The following TIAM2 variants were observed in gnomAD, a reference collection of about 807,000 sequenced individuals.
TIAM2 encodes TIAM Rac1 associated GEF 2.
Under a neutral mutation model 152.9 loss-of-function variants are expected in TIAM2, and 80 were observed. That is an observed-to-expected ratio of 0.52 (90% CI 0.44 to 0.63). The LOEUF (loss-of-function observed/expected upper bound fraction) is 0.63. Ranked by LOEUF, TIAM2 falls within the 30% of genes least tolerant of loss-of-function variation. The pLI, the probability that TIAM2 is intolerant of heterozygous loss-of-function variation, is 0.00. For missense variants in TIAM2, 1,965 were observed against 2,120.1 expected (o/e 0.93, Z 1.44); for synonymous variants, 804 against 838.0 (o/e 0.96, Z 0.70).
At chr6:155,254,652 G>C in intron 26 of TIAM2, 79 bp downstream of exon 26, 1 of 1,530,938 alleles carries the variant, frequency 6.5e-7, no homozygotes, top group East Asian at 2.3e-5. Context: ...TTGTAACATA[G>C]CTGTGACTTT....
chr6:155,128,822 C>T (rs531899631), intron 3 of TIAM2, among the ~76,000 whole-genome samples: 33 of 151,778 alleles, frequency 2.2e-4, no homozygotes, highest in Admixed American at 1.6e-3. Flanking sequence ...GCTGTGACTG[C>T]GGCACTGCAC....
chr6:155,244,663 G>A lies in TIAM2; in HGVS notation c.3423G>A (p.Glu1141=). The A allele has an allele frequency of 6.2e-7, 1 of 1,613,964 alleles. No individual in the cohort carries two copies. Among genetic ancestry groups the A allele is most frequent in the South Asian group, 1.1e-5 (1 of 91,032 alleles). The part of the protein sequence containing the change: ...NETFLTQDEM[E]SLFGSLPEML... ...AAATCCTGATCTTCACATAGATGGA[G>A]TCACTTTTTGGAAGTTTGCCAGAGA... The change falls in exon 18 of 27, where the codon GAG becomes GAA. Residue 1141 remains glutamate, a synonymous_variant. Coordinates refer to ENST00000682666, the MANE Select transcript of TIAM2 (RefSeq NM_012454.4).
Position 155,057,008 on chromosome 6 carries a change from GTTTTCTTTCTTTTTTTTTTTTTTTTT to G in TIAM2, c.-208-33276_-208-33251del, listed in dbSNP as rs1435058131. Among the ~76,000 whole-genome samples, 4 of 91,512 alleles carry G rather than the reference GTTTTCTTTCTTTTTTTTTTTTTTTTT, an allele frequency of 4.4e-5. No individual in the cohort carries two copies. The East Asian group carries it at 1.2e-3, about 26-fold the overall frequency. The allele number at this position is 91,512 out of a possible 152,430, so 60.0% of individuals were successfully genotyped here. ...TAGTTTGCTAGTAGAATGTTCCTCA[GTTTTCTTTCTTTTTTTTTTTTTTTTT>G]TTTTTTTTTTTTGAGATAGGGTCTT... On this transcript the variant is annotated intron_variant, in intron 1 of 26. Coordinates refer to ENST00000682666, the MANE Select transcript of TIAM2 (RefSeq NM_012454.4).
Position 155,257,225 on chromosome 6 carries a change from G to T in TIAM2, c.*104G>T. The stretch of plus-strand genomic sequence containing the variant: ...AAAAAAAAAAAACTGTTCATTCCTG[G>T]GTTTTGTGCAGTATACATTTTCCCA... On this transcript the variant is annotated 3_prime_UTR_variant, in exon 27 of 27. Coordinates refer to ENST00000682666, the MANE Select transcript of TIAM2 (RefSeq NM_012454.4). 1 of 1,262,132 alleles carries T rather than the reference G, an allele frequency of 7.9e-7. No individual in the cohort carries two copies. Among genetic ancestry groups the T allele is most frequent in the Non-Finnish European group, 1.1e-6 (1 of 921,990 alleles). 78.2% of individuals were successfully genotyped at this position (1,262,132 alleles called of 1,614,324 possible).
At chr6:155,134,188 T>G (rs914105795) in intron 4 of TIAM2, among the ~76,000 whole-genome samples, 1 of 152,098 alleles carries the variant, frequency 6.6e-6, no homozygotes, top group African/African-American at 2.4e-5. Flanking sequence ...GCAGGCACCT[T>G]AGTTTCATCC....
rs566379588 is a variant in TIAM2 at position 155,025,752 on chromosome 6, C to T, written c.-209+30260C>T. ...TTTGGGTAGTACCCGCCAATTTTACCAATCACATTTAAAAAAATAGATTTT... is the reference window on the plus strand; with the variant it reads ...TTTGGGTAGTACCCGCCAATTTTACTAATCACATTTAAAAAAATAGATTTT... On this transcript the variant is annotated intron_variant, in intron 1 of 26. Transcript: ENST00000682666. Among the ~76,000 whole-genome samples the T allele has an allele frequency of 3.3e-5, 5 of 151,076 alleles. No individual in the cohort carries two copies. The East Asian group carries it at 9.7e-4, about 29-fold the overall frequency.
At chr6:155,084,233 C>T (rs906410672) in intron 1 of TIAM2, among the ~76,000 whole-genome samples, 3 of 152,142 alleles carry the variant, frequency 2.0e-5, no homozygotes, top group African/African-American at 7.2e-5. Context: ...CACTTCACAG[C>T]CTCTTACCCC....
At chr6:155,067,043 T>G (rs1169840025) in intron 1 of TIAM2, among the ~76,000 whole-genome samples, 1 of 152,150 alleles carries the variant, frequency 6.6e-6, no homozygotes, top group Non-Finnish European at 1.5e-5. Context: ...GACAAGTTCT[T>G]TACAAATATT....
chr6:155,220,616 T>C (rs2115239742), intron 15 of TIAM2, among the ~76,000 whole-genome samples: 1 of 152,218 alleles, frequency 6.6e-6, no homozygotes, highest in Non-Finnish European at 1.5e-5. Context: ...TGAGGCACTT[T>C]CGTCAGCACA....
At chr6:155,157,787 T>C (rs951864481) in intron 7 of TIAM2, among the ~76,000 whole-genome samples, 1 of 152,230 alleles carries the variant, frequency 6.6e-6, no homozygotes, top group African/African-American at 2.4e-5. Flanking sequence ...CAGATGGTGC[T>C]TTGCTTGCTA....
At chr6:155,042,881 T>C (rs116376504) in intron 1 of TIAM2, among the ~76,000 whole-genome samples, 2,347 of 152,264 alleles carry the variant, frequency 0.015, 57 homozygotes, top group African/African-American at 0.052. Context: ...TCCCGTCTAA[T>C]TGGACTTTTC....
Position 155,130,295 on chromosome 6 carries a change from C to G in TIAM2, c.1072C>G (p.Leu358Val), listed in dbSNP as rs766033916. The change falls in exon 4 of 27, where the codon CTC becomes GTC. Residue 358 changes from leucine (L) to valine (V), a missense_variant. This residue lies in a region of TIAM2 where 1,025 missense variants were observed against 1,119.4 expected (regional missense o/e 0.92). Transcript: ENST00000682666. ...CCCCATCCAGTACAGTTCCTTCACT[C>G]TCCCCTGTCGGAAGCCCAAAGCCTT... ...GDPIQYSSFTLPCRKPKAFVE... is the reference protein window; with the variant it reads ...GDPIQYSSFTVPCRKPKAFVE... 1.2e-5 allele frequency: 19 copies of G among 1,614,062 alleles called. No homozygotes were observed. Among genetic ancestry groups the G allele is most frequent in the Non-Finnish European group, 1.4e-5 (17 of 1,180,034 alleles).
At chr6:155,073,586 T>C (rs2114957162) in intron 1 of TIAM2, among the ~76,000 whole-genome samples, 1 of 152,208 alleles carries the variant, frequency 6.6e-6, no homozygotes, top group South Asian at 2.1e-4. Flanking sequence ...ACCCTGCTTC[T>C]CATAGTGGCT....
chr6:155,028,752 A>G (rs867641260), intron 1 of TIAM2, among the ~76,000 whole-genome samples: 55 of 127,640 alleles, frequency 4.3e-4, no homozygotes, highest in East Asian at 2.3e-3. Flanking sequence ...TATACTACAT[A>G]TAATATATAT....
At chr6:155,131,767 C>T (rs892966217) in intron 4 of TIAM2, among the ~76,000 whole-genome samples, 4 of 151,906 alleles carry the variant, frequency 2.6e-5, no homozygotes, top group East Asian at 1.9e-4. Context: ...TTAGTAGAGA[C>T]GGGGTTTCAC....
intron 1 of TIAM2, among the ~76,000 whole-genome samples, chr6:155,061,322 A>AATACACACATGTATCTCTAG (rs1285013106): frequency 2.0e-5 from 3 of 152,098 alleles, no homozygotes; most frequent in Admixed American, 1.3e-4. Flanking sequence ...GCTATCTCTA[A>AATACACACATGTATCTCTAG]ATACACACAT....
intron 1 of TIAM2, among the ~76,000 whole-genome samples, chr6:155,080,129 TTC>T (rs1778031748): frequency 6.6e-6 from 1 of 152,130 alleles, no homozygotes; most frequent in Non-Finnish European, 1.5e-5. Flanking sequence ...TCAAGTGTTT[TTC>T]TCCCTTGCCA....
intron 15 of TIAM2, among the ~76,000 whole-genome samples, chr6:155,228,425 A>G (rs1245585791): frequency 1.3e-5 from 2 of 152,200 alleles, no homozygotes; most frequent in East Asian, 3.8e-4. Flanking sequence ...TCTCAACTCA[A>G]TACGGTCTCA....
At chr6:155,201,278 C>G (rs1305015391) in intron 14 of TIAM2, among the ~76,000 whole-genome samples, 3 of 152,160 alleles carry the variant, frequency 2.0e-5, no homozygotes, top group Non-Finnish European at 4.4e-5. Flanking sequence ...CTCATGTGTA[C>G]TTTTGTCTAG....
Sources: allele counts gnomAD v4.1 joint callset (sites outside exome capture counted in the v4.1 genomes callset), GRCh38; gene constraint gnomAD v4.1.1; regional missense constraint gnomAD v4.1.1; transcripts MANE v1.5; gene names NCBI Gene and HGNC (gene_info 2026-07-23, HGNC 2026-07-21).